The following ZPBP variants were observed in gnomAD, a reference collection of about 807,000 sequenced individuals.
ZPBP encodes the protein zona pellucida-binding protein 1.
A neutral mutation model predicts 44.8 loss-of-function variants in ZPBP; 26 were observed. That is an observed-to-expected ratio of 0.58 (90% CI 0.43 to 0.81). The LOEUF (loss-of-function observed/expected upper bound fraction) is 0.81. Ranked by LOEUF, ZPBP falls within the 30% of genes least tolerant of loss-of-function variation. The probability of loss-of-function intolerance (pLI) is 0.00; values close to 1 mark genes in which losing one functional copy is unlikely to be tolerated. For missense variants in ZPBP, 409 were observed against 434.0 expected (o/e 0.94, Z 0.51); for synonymous variants, 174 against 153.2 (o/e 1.14, Z -1.00).
intron 3 of ZPBP, among the ~76,000 whole-genome samples, chr7:50,076,032 A>G (rs1365432712): frequency 6.6e-6 from 1 of 151,810 alleles, no homozygotes; most frequent in African/African-American, 2.4e-5. Context: ...GAATTCAACA[A>G]AAGGTTAGAA....
At chr7:50,071,330 A>G (rs1474984548) in intron 3 of ZPBP, among the ~76,000 whole-genome samples, 1 of 152,196 alleles carries the variant, frequency 6.6e-6, no homozygotes, top group Non-Finnish European at 1.5e-5. Context: ...CCAAACCAGA[A>G]GAGAATCATC....
chr7:49,973,389 G>A (rs1796378190), intron 7 of ZPBP, among the ~76,000 whole-genome samples: 1 of 151,740 alleles, frequency 6.6e-6, no homozygotes, highest in South Asian at 2.1e-4. Flanking sequence ...ACATTATCAA[G>A]ACAGTAAAAA....
chr7:49,919,154 C>T (rs549344661), intron 1 of ZPBP: 2 of 152,116 alleles, frequency 1.3e-5, no homozygotes, highest in Admixed American at 6.5e-5. Context: ...GATAGCTCTA[C>T]CTGCTTCCAA....
At chr7:49,883,075 C>G (rs987305934) in intron 2 of ZPBP, among the ~76,000 whole-genome samples, 1 of 151,948 alleles carries the variant, frequency 6.6e-6, no homozygotes, top group Non-Finnish European at 1.5e-5. Flanking sequence ...ACAGAGAAGC[C>G]AAGACCAGAT....
chr7:49,980,071 A>C, intron 7 of ZPBP, among the ~76,000 whole-genome samples: 1 of 92,336 alleles, frequency 1.1e-5, no homozygotes, highest in South Asian at 3.1e-4. Context: ...ATTATATTAT[A>C]ATATATATAA....
chr7:50,078,233 C>T (rs979961243), intron 3 of ZPBP, among the ~76,000 whole-genome samples: 1 of 151,504 alleles, frequency 6.6e-6, no homozygotes, highest in African/African-American at 2.4e-5. Flanking sequence ...GGATGGTTAC[C>T]AGAGGCTGGG....
At chr7:50,001,564 G>A (rs1338473392) in intron 6 of ZPBP, among the ~76,000 whole-genome samples, 2 of 152,034 alleles carry the variant, frequency 1.3e-5, no homozygotes, top group Non-Finnish European at 2.9e-5. Context: ...GAGTAACAGG[G>A]ACAGCCACTT....
chr7:49,930,878 C>T (rs942214800), intron 1 of ZPBP, among the ~76,000 whole-genome samples: 2 of 152,208 alleles, frequency 1.3e-5, no homozygotes, highest in African/African-American at 4.8e-5. Flanking sequence ...GGCTCTACGT[C>T]CCACTTAAAT....
the ZPBP span, among the ~76,000 whole-genome samples, chr7:49,841,584 A>C: frequency 0.05 from 7,541 of 152,300 alleles, 295 homozygotes; most frequent in Middle Eastern, 0.14. Context: ...ATTTCCTAAA[A>C]TGCTTTGGAC....
chr7:49,914,232 G>A (rs1052157574), intron 1 of ZPBP: 1 of 152,240 alleles, frequency 6.6e-6, no homozygotes, highest in African/African-American at 2.4e-5. Flanking sequence ...AGTCCATGCA[G>A]CTCAAAGTCT....
chr7:50,061,680 CCA>C (rs1196757497), intron 3 of ZPBP, among the ~76,000 whole-genome samples: 2 of 152,180 alleles, frequency 1.3e-5, no homozygotes, highest in Non-Finnish European at 2.9e-5. Flanking sequence ...ACAAACACTG[CCA>C]CTTTAAGTTC....
intron 2 of ZPBP, among the ~76,000 whole-genome samples, chr7:50,086,879 C>T (rs1172347223): frequency 3.3e-5 from 5 of 151,924 alleles, no homozygotes; most frequent in Admixed American, 1.3e-4. Flanking sequence ...AAATCCATAG[C>T]CAGACACATC....
chr7:50,085,071 G>T (rs1176144839), intron 2 of ZPBP, among the ~76,000 whole-genome samples: 1 of 152,040 alleles, frequency 6.6e-6, no homozygotes, highest in African/African-American at 2.4e-5. Context: ...AGTCTTTACT[G>T]AGGAAGTCAG....
At chr7:50,068,725 TA>T (rs1801669354) in intron 3 of ZPBP, among the ~76,000 whole-genome samples, 2 of 152,218 alleles carry the variant, frequency 1.3e-5, no homozygotes, top group Admixed American at 1.3e-4. Flanking sequence ...CATTCACACC[TA>T]TGGAGCTTCT....
intron 6 of ZPBP, among the ~76,000 whole-genome samples, chr7:49,987,805 A>T (rs1204210615): frequency 1.3e-5 from 2 of 150,960 alleles, no homozygotes; most frequent in East Asian, 3.9e-4. Context: ...TAATTAACTG[A>T]TTTGAAGGAT....
At chr7:49,929,374 C>T (rs1794370537) in intron 1 of ZPBP, among the ~76,000 whole-genome samples, 1 of 152,196 alleles carries the variant, frequency 6.6e-6, no homozygotes, top group Non-Finnish European at 1.5e-5. Flanking sequence ...AACTGTCCTG[C>T]CCCTGAAAAA....
chr7:50,027,488 G>T (rs1172799975), intron 5 of ZPBP, among the ~76,000 whole-genome samples: 2 of 152,048 alleles, frequency 1.3e-5, no homozygotes, highest in Non-Finnish European at 2.9e-5. Context: ...AGAAGGAAAT[G>T]TATGGGTGTA....
intron 2 of ZPBP, among the ~76,000 whole-genome samples, chr7:49,886,814 C>T (rs1791923428): frequency 6.6e-6 from 1 of 152,160 alleles, no homozygotes. Flanking sequence ...CTTTGGTGCT[C>T]CTCTGCTTTT....
At chr7:50,018,360 G>GT (rs1254085568) in intron 5 of ZPBP, 44 bp from the exon 6 acceptor site, 5 of 1,354,830 alleles carry the variant, frequency 3.7e-6, no homozygotes, top group Non-Finnish European at 4.2e-6. Context: ...AATGTATTCT[G>GT]TCACAATATT....
Sources: allele counts gnomAD v4.1 joint callset (sites outside exome capture counted in the v4.1 genomes callset), GRCh38; gene constraint gnomAD v4.1.1; transcripts MANE v1.5; gene names NCBI Gene and HGNC (gene_info 2026-07-23, HGNC 2026-07-21).